PRH1: variants seen among roughly 807,000 people sequenced by gnomAD.
PRH1 encodes the protein salivary acidic proline-rich phosphoprotein 1/2.
PRH1 carries 7 observed loss-of-function variants against 7.9 expected under a neutral mutation model. That is an observed-to-expected ratio of 0.89 (90% CI 0.50 to 1.67). The LOEUF is 1.67. PRH1 is among the 40% of genes most tolerant of loss of function. The probability of loss-of-function intolerance (pLI) is 0.00; values close to 1 mark genes in which losing one functional copy is unlikely to be tolerated. For synonymous variants in PRH1, 45 were observed against 80.8 expected (o/e 0.56, Z 2.38); for missense variants, 109 against 223.6 (o/e 0.49, Z 3.27).
At chr12:11,117,500 T>G (rs1027150973), downstream of PRH1, among the ~76,000 whole-genome samples, 1 of 152,112 alleles carries the variant, frequency 6.6e-6, no homozygotes, top group African/African-American at 2.4e-5. Flanking sequence ...CCAAAGAATC[T>G]ACAGATTCAA....
At chr12:11,146,855 A>T (rs1271086305) in intron 1 of PRH1, among the ~76,000 whole-genome samples, 1 of 152,184 alleles carries the variant, frequency 6.6e-6, no homozygotes, top group Admixed American at 6.5e-5. Context: ...TTATTATAAG[A>T]CAAATTACAT....
chr12:11,127,097 G>A (rs188754761), intron 1 of PRH1, among the ~76,000 whole-genome samples: 2 of 152,238 alleles, frequency 1.3e-5, no homozygotes, highest in Non-Finnish European at 2.9e-5. Context: ...TGTCAAACAG[G>A]AAAGCACCGG....
chr12:10,976,049 A>G (rs574461244), intron 1 of PRH1, among the ~76,000 whole-genome samples: 1 of 152,336 alleles, frequency 6.6e-6, no homozygotes, highest in East Asian at 1.9e-4. Context: ...CAGAATCTGA[A>G]CTAAACACTT....
At chr12:10,950,300 C>CA (rs1950550820) in intron 2 of PRH1, among the ~76,000 whole-genome samples, 1 of 151,970 alleles carries the variant, frequency 6.6e-6, no homozygotes, top group Admixed American at 6.6e-5. Flanking sequence ...CATACTCAGC[C>CA]AAAGGAATTC....
intron 1 of PRH1, among the ~76,000 whole-genome samples, chr12:11,072,221 A>T (rs1264928389): frequency 3.9e-5 from 6 of 152,162 alleles, no homozygotes; most frequent in African/African-American, 1.4e-4. Context: ...TCCTGGCCTC[A>T]ATAGATATTC....
chr12:11,005,089 T>C (rs372144923), intron 1 of PRH1, among the ~76,000 whole-genome samples: 3 of 152,150 alleles, frequency 2.0e-5, no homozygotes, highest in Admixed American at 1.3e-4. Context: ...TCTTGTTCTT[T>C]TTAAATTCTC....
rs941903299 is a variant in PRH1 at position 11,075,531 on chromosome 12, A to T, written n.124-28343T>A. Among the ~76,000 whole-genome samples, 12 of 114,860 alleles carry T rather than the reference A, an allele frequency of 1.0e-4. 4 individuals are homozygous for T. Among genetic ancestry groups the T allele is most frequent in the Non-Finnish European group, 2.3e-4 (11 of 48,722 alleles). 75.4% of individuals were successfully genotyped at this position (114,860 alleles called of 152,430 possible). A position where few individuals can be genotyped will look rare whatever the true frequency, so the allele number is the denominator to read the frequency against. ...TGGGAAGTTCCCTAACATTCTTGTG[A>T]TGGGGTCTGCTAACCCCGAGCAGCT... On this transcript the variant is annotated intron_variant and non_coding_transcript_variant, in intron 1 of 4. Transcript: ENST00000541977.
At chr12:10,885,245 G>A (rs1374013986), upstream of PRH1, among the ~76,000 whole-genome samples, 1 of 152,154 alleles carries the variant, frequency 6.6e-6, no homozygotes, top group Non-Finnish European at 1.5e-5. Context: ...CAGTAATTAT[G>A]TCACCTGTTT....
intron 1 of PRH1, among the ~76,000 whole-genome samples, chr12:11,069,536 A>G (rs1225415434): frequency 6.6e-6 from 1 of 152,162 alleles, no homozygotes; most frequent in Non-Finnish European, 1.5e-5. Flanking sequence ...AAAGGGCATC[A>G]TCCTGAAATG....
chr12:10,904,080 T>C (rs566537400), intron 2 of PRH1, among the ~76,000 whole-genome samples: 2 of 151,678 alleles, frequency 1.3e-5, no homozygotes, highest in Non-Finnish European at 2.9e-5. Flanking sequence ...TGAATATTGT[T>C]AAAATGGTTG....
intron 2 of PRH1, among the ~76,000 whole-genome samples, chr12:10,972,928 A>ACGC (rs1938888168): frequency 1.0e-5 from 1 of 100,326 alleles, no homozygotes; most frequent in South Asian, 3.3e-4. Flanking sequence ...AAGCACCACA[A>ACGC]CCCACCCCCC....
chr12:10,945,344 G>C (rs1300634051), intron 2 of PRH1, among the ~76,000 whole-genome samples: 1 of 152,130 alleles, frequency 6.6e-6, no homozygotes, highest in African/African-American at 2.4e-5. Context: ...TTCCCTAAGT[G>C]TCAGCCAGTC....
chr12:10,966,175 C>T (rs139736183), intron 2 of PRH1, among the ~76,000 whole-genome samples: 76 of 152,290 alleles, frequency 5.0e-4, no homozygotes, highest in African/African-American at 1.8e-3. Flanking sequence ...ATCTCTCATA[C>T]TTAGACCCTT....
chr12:11,130,450 A>G (rs1946303960), intron 1 of PRH1, among the ~76,000 whole-genome samples: 1 of 152,138 alleles, frequency 6.6e-6, no homozygotes, highest in African/African-American at 2.4e-5. Context: ...GAGACAACAT[A>G]TTCCACATTT....
chr12:11,115,647 CA>C (rs1344982362), intron 1 of PRH1, among the ~76,000 whole-genome samples: 3 of 152,124 alleles, frequency 2.0e-5, no homozygotes, highest in Admixed American at 2.0e-4. Context: ...TATGTTAGAT[CA>C]CAAAACAAGT....
chr12:11,112,392 C>T (rs538319029), intron 1 of PRH1, among the ~76,000 whole-genome samples: 4 of 152,020 alleles, frequency 2.6e-5, no homozygotes, highest in East Asian at 1.9e-4. Context: ...AACATCGATG[C>T]GAAAATCCTC....
rs145745455 is a variant in PRH1, at chr12:10,968,152, CTGAT to C, written c.-59+5499_-59+5502del. ...ATTGATCATGAAATGGTTTATCTCT[CTGAT>C]TGAAGAATTGTATTTACGTTAAAAA... On this transcript the variant is annotated intron_variant, in intron 2 of 3. Transcript: ENST00000539853. 3.2e-3 allele frequency among the ~76,000 whole-genome samples: 481 copies of C among 152,268 alleles called. 4 individuals carry two copies. Among genetic ancestry groups the C allele is most frequent in the African/African-American group, 9.6e-3 (399 of 41,562 alleles).
chr12:11,076,640 A>T (rs1944303670), intron 1 of PRH1: 1 of 117,720 alleles, frequency 8.5e-6, no homozygotes, highest in Admixed American at 8.4e-5. Context: ...CAGCACTGAA[A>T]GGATCATGAT....
intron 1 of PRH1, among the ~76,000 whole-genome samples, chr12:11,086,098 A>ACTTT (rs1944677694): frequency 1.0e-5 from 1 of 99,018 alleles, no homozygotes; most frequent in South Asian, 2.7e-4. Flanking sequence ...ATTAACATAA[A>ACTTT]CACATTCCCC....
Sources: gnomAD v4.1 joint callset for allele counts (sites outside exome capture counted in the v4.1 genomes callset) on GRCh38, gnomAD v4.1.1 for gene constraint, MANE v1.5 for transcripts, NCBI Gene and HGNC (gene_info 2026-07-23, HGNC 2026-07-21) for gene names.